The following MACROD2 variants were observed in gnomAD, a reference collection of about 807,000 sequenced individuals.
The protein encoded by MACROD2 is ADP-ribose glycohydrolase MACROD2.
MACROD2 carries 36 observed loss-of-function variants against 70.4 expected under a neutral mutation model. The ratio of observed to expected loss-of-function variants is 0.51; its 90% confidence interval spans 0.39 to 0.68. The LOEUF (loss-of-function observed/expected upper bound fraction) is 0.68. Ranked by LOEUF, MACROD2 falls within the 30% of genes least tolerant of loss-of-function variation. The pLI is 0.00. For missense variants in MACROD2, 496 were observed against 538.4 expected (o/e 0.92, Z 0.78); for synonymous variants, 172 against 178.8 (o/e 0.96, Z 0.30).
At chr20:15,324,291 C>G (rs2077904010) in intron 6 of MACROD2, among the ~76,000 whole-genome samples, 1 of 152,068 alleles carries the variant, frequency 6.6e-6, no homozygotes, top group Non-Finnish European at 1.5e-5. Flanking sequence ...TTAGGTATAA[C>G]CTGAATTCTT....
intron 5 of MACROD2, among the ~76,000 whole-genome samples, chr20:14,954,555 AATTATAAATAT>A (rs1390931019): frequency 7.2e-6 from 1 of 139,102 alleles, no homozygotes; most frequent in Non-Finnish European, 1.5e-5. Context: ...ATTATAAATA[AATTATAAATAT>A]ATAAATGTAT....
intron 6 of MACROD2, among the ~76,000 whole-genome samples, chr20:15,405,375 GTCT>G (rs1458428550): frequency 1.3e-5 from 2 of 152,140 alleles, no homozygotes; most frequent in African/African-American, 4.8e-5. Flanking sequence ...AGCAAATAAG[GTCT>G]TCTCTTTACC....
At chr20:16,026,151 C>T (rs1184988736) in intron 15 of MACROD2, among the ~76,000 whole-genome samples, 1 of 135,984 alleles carries the variant, frequency 7.4e-6, no homozygotes, top group African/African-American at 2.6e-5. Context: ...AAAACTCCAT[C>T]TCAAAAAAAC....
At chr20:15,618,419 C>T (rs1336480012) in intron 8 of MACROD2, among the ~76,000 whole-genome samples, 5 of 151,990 alleles carry the variant, frequency 3.3e-5, no homozygotes, top group Non-Finnish European at 7.4e-5. Flanking sequence ...ACTCCACTTC[C>T]CCCTCTCATA....
At chr20:15,783,402 T>C (rs1463073866) in intron 8 of MACROD2, among the ~76,000 whole-genome samples, 1 of 152,160 alleles carries the variant, frequency 6.6e-6, no homozygotes. Context: ...TCACCTGACC[T>C]TATTTCTAGA....
intron 8 of MACROD2, among the ~76,000 whole-genome samples, chr20:15,678,428 C>T (rs575053919): frequency 5.3e-5 from 8 of 151,490 alleles, no homozygotes; most frequent in South Asian, 2.1e-4. Flanking sequence ...GGCATGATCT[C>T]GGCTCACTGC....
At chr20:15,784,318 A>G (rs1242649310) in intron 8 of MACROD2, among the ~76,000 whole-genome samples, 4 of 151,282 alleles carry the variant, frequency 2.6e-5, no homozygotes, top group African/African-American at 9.7e-5. Context: ...ATTAGCTCTG[A>G]GGAATGATTT....
intron 2 of MACROD2, among the ~76,000 whole-genome samples, chr20:14,007,895 A>G (rs536143482): frequency 3.3e-5 from 5 of 152,362 alleles, no homozygotes; most frequent in African/African-American, 7.2e-5. Flanking sequence ...CAGAACAGCA[A>G]TAGGGGAAAA....
intron 6 of MACROD2, among the ~76,000 whole-genome samples, chr20:15,334,088 C>A (rs1448769922): frequency 6.6e-6 from 1 of 151,702 alleles, no homozygotes; most frequent in Non-Finnish European, 1.5e-5. Flanking sequence ...CAGAGGGACA[C>A]AAGTTCTTTG....
chr20:15,725,845 A>G (rs1361576840), intron 8 of MACROD2, among the ~76,000 whole-genome samples: 1 of 151,740 alleles, frequency 6.6e-6, no homozygotes, highest in Non-Finnish European at 1.5e-5. Context: ...TTATTTATTT[A>G]TATTTTATAT....
rs189207521 is a variant in MACROD2, at chr20:14,880,446, A to G, written c.418+195487A>G. Among the ~76,000 whole-genome samples, 138 of 152,338 alleles carry G rather than the reference A, an allele frequency of 9.1e-4. 1 individual carries two copies. The Middle Eastern group carries it at 0.017, about 19-fold the overall frequency. ...GCACACTGATTTGGATATAAAATCT[A>G]TGGCCATTTGAAAGGGAAACCTTCA... On this transcript the variant is annotated intron_variant, in intron 5 of 17. Transcript: ENST00000684519.
chr20:15,216,489 G>A (rs955263544), intron 5 of MACROD2, among the ~76,000 whole-genome samples: 4 of 152,102 alleles, frequency 2.6e-5, no homozygotes, highest in Non-Finnish European at 5.9e-5. Context: ...TCTCACAGTA[G>A]ACGTGAATGA....
intron 5 of MACROD2, chr20:15,197,174 AT>A: frequency 3.5e-6 from 1 of 284,836 alleles, no homozygotes; most frequent in Non-Finnish European, 5.3e-6. Flanking sequence ...TCTTTTCTTC[AT>A]TTAGTTTGTC....
intron 8 of MACROD2, among the ~76,000 whole-genome samples, chr20:15,730,105 G>A (rs2050925306): frequency 6.6e-6 from 1 of 152,138 alleles, no homozygotes; most frequent in African/African-American, 2.4e-5. Context: ...TGGGATTACA[G>A]GCATGAGCCA....
intron 6 of MACROD2, among the ~76,000 whole-genome samples, chr20:15,300,110 C>A (rs763119457): frequency 5.3e-5 from 8 of 152,118 alleles, no homozygotes; most frequent in Admixed American, 6.5e-5. Flanking sequence ...TAGGTACAGC[C>A]AGAGTATGAT....
Position 14,690,957 on chromosome 20 carries a change from G to A in MACROD2, c.418+5998G>A, listed in dbSNP as rs541621348. Reference sequence around the variant, plus strand: ...GAGTCAGACGGATTCCAGCTCTGTCGCCCAGGCTGGAGTGCAATGGCGCGA... The same window carrying A: ...GAGTCAGACGGATTCCAGCTCTGTCACCCAGGCTGGAGTGCAATGGCGCGA... On this transcript the variant is annotated intron_variant, in intron 5 of 17. Transcript: ENST00000684519. 1.1e-4 allele frequency among the ~76,000 whole-genome samples: 17 copies of A among 152,056 alleles called. 1 individual carries two copies. The East Asian group carries it at 2.1e-3, about 19-fold the overall frequency.
intron 1 of MACROD2, 51 bp from the exon 2 acceptor site, chr20:14,002,237 C>T: frequency 8.3e-7 from 1 of 1,200,750 alleles, no homozygotes; most frequent in South Asian, 1.4e-5. Flanking sequence ...AAAAATAATT[C>T]CCATGTTTAA....
At chr20:14,748,677 A>G (rs2123732060) in intron 5 of MACROD2, among the ~76,000 whole-genome samples, 1 of 152,268 alleles carries the variant, frequency 6.6e-6, no homozygotes, top group South Asian at 2.1e-4. Context: ...GCCTACTTCT[A>G]TGTCAAAATT....
intron 3 of MACROD2, among the ~76,000 whole-genome samples, chr20:14,349,801 T>G (rs1252007391): frequency 6.7e-6 from 1 of 149,744 alleles, no homozygotes; most frequent in East Asian, 1.9e-4. Flanking sequence ...TGACAGAATC[T>G]TATTCTTTTT....
Sources: allele counts gnomAD v4.1 joint callset (sites outside exome capture counted in the v4.1 genomes callset), GRCh38; gene constraint gnomAD v4.1.1; transcripts MANE v1.5; gene names NCBI Gene and HGNC (gene_info 2026-07-23, HGNC 2026-07-21).